INSL6: variants seen among roughly 807,000 people sequenced by gnomAD.
INSL6 encodes insulin-like peptide INSL6.
A neutral mutation model predicts 9.4 loss-of-function variants in INSL6; 16 were observed. The observed-to-expected ratio is 1.70, with a 90% CI of 1.15 to 2.59. INSL6 has a LOEUF of 2.59. Ranked by LOEUF, INSL6 falls within the 30% of genes most tolerant of loss-of-function variation. The pLI, the probability that INSL6 is intolerant of heterozygous loss-of-function variation, is 0.00. For synonymous variants in INSL6, 154 were observed against 96.9 expected (o/e 1.59, Z -3.46); for missense variants, 391 against 257.3 (o/e 1.52, Z -3.56).
the INSL6 span, among the ~76,000 whole-genome samples, chr9:5,043,437 AAGAC>A: frequency 1.3e-5 from 2 of 152,270 alleles, no homozygotes; most frequent in African/African-American, 4.8e-5. Flanking sequence ...AAAAATCAGA[AAGAC>A]AAACAATAAC....
In INSL6 at chr9:5,131,439, T is replaced by TA. The variant is rs1267786184; in HGVS notation, c.*10+1985_*10+1986insT. Reference sequence around the variant, plus strand: ...CTTTAACACCACCAGTTAACAATTTTTTTTTTTTTTTTTTTGAGACAGAGT... The same window carrying TA: ...CTTTAACACCACCAGTTAACAATTTTATTTTTTTTTTTTTTTGAGACAGAGT... On this transcript the variant is annotated intron_variant, in intron 3 of 3. Transcript: ENST00000649639. Among the ~76,000 whole-genome samples, 2 of 142,890 alleles carry TA rather than the reference T, an allele frequency of 1.4e-5. 1 individual carries two copies. The highest frequency in any genetic ancestry group is 5.7e-5 in the African/African-American group (2 of 35,106). The allele number at this position is 142,890 out of a possible 152,430, so 93.7% of individuals were successfully genotyped here. A position where few individuals can be genotyped will look rare whatever the true frequency, so the allele number is the denominator to read the frequency against.
At chr9:5,034,737 C>T in the INSL6 span, among the ~76,000 whole-genome samples, 3 of 151,986 alleles carry the variant, frequency 2.0e-5, no homozygotes, top group Non-Finnish European at 2.9e-5. Context: ...ACATTCAAAG[C>T]AGTGTGTAGA....
chr9:5,169,779 A>G (rs1433149128), intron 1 of INSL6, among the ~76,000 whole-genome samples: 1 of 152,236 alleles, frequency 6.6e-6, no homozygotes, highest in Non-Finnish European at 1.5e-5. Context: ...AGAGCGTTAC[A>G]TAATGGTAAA....
At chr9:5,153,449 C>T (rs761512747) in intron 2 of INSL6, among the ~76,000 whole-genome samples, 69 of 152,256 alleles carry the variant, frequency 4.5e-4, no homozygotes, top group Non-Finnish European at 8.8e-4. Flanking sequence ...GTGGAGCCCA[C>T]GCCAGCTCAG....
chr9:5,004,056 A>C, the INSL6 span, among the ~76,000 whole-genome samples: 2 of 152,130 alleles, frequency 1.3e-5, no homozygotes, highest in African/African-American at 2.4e-5. Flanking sequence ...ACAACATGAC[A>C]TTTTGTTATA....
chr9:5,068,639 T>C, the INSL6 span, among the ~76,000 whole-genome samples: 5 of 152,076 alleles, frequency 3.3e-5, no homozygotes, highest in Admixed American at 1.3e-4. Flanking sequence ...GGAACGTAGG[T>C]TGTATGTTGG....
chr9:5,069,294 G>A, the INSL6 span: 1 of 827,184 alleles, frequency 1.2e-6, no homozygotes, highest in Non-Finnish European at 1.9e-6. Flanking sequence ...TGATTTCAAA[G>A]GATATATGAA....
At chr9:5,080,142 A>G in the INSL6 span, 2 of 1,052,540 alleles carry the variant, frequency 1.9e-6, no homozygotes, top group Middle Eastern at 2.3e-4. Context: ...GATTATTCAA[A>G]TGATTTGAAC....
chr9:5,113,435 A>T, the INSL6 span: 1 of 147,616 alleles, frequency 6.8e-6, no homozygotes, highest in South Asian at 2.1e-4. Context: ...AAAAAAAAAA[A>T]AAAAAAAAAA....
chr9:5,160,980 G>A (rs1273417972), downstream of INSL6, among the ~76,000 whole-genome samples: 11 of 152,236 alleles, frequency 7.2e-5, no homozygotes, highest in Admixed American at 2.6e-4. Context: ...GCTCAGGACC[G>A]ATAGTTTCAC....
chr9:5,155,264 G>T (rs1586866303), intron 2 of INSL6, among the ~76,000 whole-genome samples: 1 of 146,152 alleles, frequency 6.8e-6, no homozygotes, highest in East Asian at 2.1e-4. Context: ...TCCTAGGCGG[G>T]AATTGAACAA....
the INSL6 span, among the ~76,000 whole-genome samples, chr9:5,075,391 C>T: frequency 3.3e-5 from 5 of 152,268 alleles, no homozygotes; most frequent in Non-Finnish European, 5.9e-5. Context: ...TTCAAAGCTT[C>T]GAAGGACAGG....
chr9:5,111,085 T>A, the INSL6 span: 1 of 1,223,296 alleles, frequency 8.2e-7, no homozygotes, highest in Non-Finnish European at 1.1e-6. Flanking sequence ...CTCAGGCTCC[T>A]GGGGCAGCGG....
chr9:4,993,267 T>G, the INSL6 span, among the ~76,000 whole-genome samples: 7,902 of 152,284 alleles, frequency 0.052, 286 homozygotes, highest in African/African-American at 0.11. Context: ...AAAGGATCTA[T>G]GAGGTACTGA....
the INSL6 span, among the ~76,000 whole-genome samples, chr9:5,048,956 G>T: frequency 2.0e-5 from 3 of 152,012 alleles, no homozygotes; most frequent in Non-Finnish European, 2.9e-5. Flanking sequence ...TTGTACTTCT[G>T]CTTTCTTTTT....
At chr9:5,071,577 G>A in the INSL6 span, among the ~76,000 whole-genome samples, 1 of 152,164 alleles carries the variant, frequency 6.6e-6, no homozygotes, top group Non-Finnish European at 1.5e-5. Context: ...GAGAGATGTA[G>A]TGAACCTCAA....
At chr9:5,008,705 G>A in the INSL6 span, among the ~76,000 whole-genome samples, 224 of 152,102 alleles carry the variant, frequency 1.5e-3, no homozygotes, top group Non-Finnish European at 2.4e-3. Flanking sequence ...GATTTGTATC[G>A]GTACAGTTTT....
At chr9:5,001,788 G>A in the INSL6 span, among the ~76,000 whole-genome samples, 1 of 152,070 alleles carries the variant, frequency 6.6e-6, no homozygotes, top group East Asian at 1.9e-4. Context: ...CTTTCCCAGG[G>A]AAGTCACTTT....
At chr9:5,112,290 T>G in the INSL6 span, 1 of 263,310 alleles carries the variant, frequency 3.8e-6, no homozygotes, top group African/African-American at 2.3e-5. Context: ...CTCATGCACA[T>G]CCATGTTGCC....
Sources: gnomAD v4.1 joint callset for allele counts (sites outside exome capture counted in the v4.1 genomes callset) on GRCh38, gnomAD v4.1.1 for gene constraint, MANE v1.5 for transcripts, NCBI Gene and HGNC (gene_info 2026-07-23, HGNC 2026-07-21) for gene names.